SCHIP1: variants seen among roughly 807,000 people sequenced by gnomAD.
SCHIP1 encodes the protein schwannomin-interacting protein 1.
A neutral mutation model predicts 29.7 loss-of-function variants in SCHIP1; 8 were observed. That is an observed-to-expected ratio of 0.27 (90% CI 0.16 to 0.49). The LOEUF (loss-of-function observed/expected upper bound fraction) is 0.49. Ranked by LOEUF, SCHIP1 falls within the 20% of genes least tolerant of loss-of-function variation. The pLI, the probability that SCHIP1 is intolerant of heterozygous loss-of-function variation, is 0.99. For missense variants in SCHIP1, 193 were observed against 294.6 expected, an observed-to-expected ratio of 0.66 and a Z score of 2.52; for synonymous variants, 76 against 94.9, an observed-to-expected ratio of 0.80 and a Z score of 1.16.
At chr3:159,611,528 G>T in the SCHIP1 span, among the ~76,000 whole-genome samples, 1 of 149,972 alleles carries the variant, frequency 6.7e-6, no homozygotes, top group Non-Finnish European at 1.5e-5. Flanking sequence ...AGGGCGTGTT[G>T]GGGGGTGGGG....
the SCHIP1 span, among the ~76,000 whole-genome samples, chr3:159,331,996 G>A: frequency 2.0e-5 from 3 of 152,130 alleles, no homozygotes; most frequent in South Asian, 2.1e-4. Flanking sequence ...CCATAGCTCA[G>A]GTGTCACCTC....
the SCHIP1 span, among the ~76,000 whole-genome samples, chr3:159,432,070 G>A: frequency 6.6e-6 from 1 of 152,082 alleles, no homozygotes; most frequent in Non-Finnish European, 1.5e-5. Context: ...GCTTGTATGG[G>A]TGGTCTGGCT....
chr3:159,779,497 T>A, the SCHIP1 span, among the ~76,000 whole-genome samples: 1 of 144,622 alleles, frequency 6.9e-6, no homozygotes, highest in Non-Finnish European at 1.5e-5. Context: ...GGTGAAACCC[T>A]GTCTCTACCA....
chr3:159,712,551 TA>T, the SCHIP1 span, among the ~76,000 whole-genome samples: 512 of 150,522 alleles, frequency 3.4e-3, 4 homozygotes, highest in African/African-American at 0.012. Context: ...ACCCTGTCAC[TA>T]CAAAAAAAAA....
chr3:159,763,108 G>A, the SCHIP1 span, among the ~76,000 whole-genome samples: 2 of 152,150 alleles, frequency 1.3e-5, no homozygotes, highest in African/African-American at 4.8e-5. Context: ...GAAGGGAAAC[G>A]TGAGCTAAAG....
At chr3:159,793,597 G>A in the SCHIP1 span, among the ~76,000 whole-genome samples, 22 of 152,182 alleles carry the variant, frequency 1.4e-4, no homozygotes, top group East Asian at 7.7e-4. Flanking sequence ...TCACTCTGTC[G>A]CCCAGGCTTG....
the SCHIP1 span, among the ~76,000 whole-genome samples, chr3:159,654,872 T>C: frequency 6.8e-6 from 1 of 148,104 alleles, no homozygotes; most frequent in Non-Finnish European, 1.5e-5. Context: ...CAAAGTGACA[T>C]ACTGATTTGT....
chr3:159,428,211 A>G, the SCHIP1 span, among the ~76,000 whole-genome samples: 66 of 152,336 alleles, frequency 4.3e-4, no homozygotes, highest in African/African-American at 1.3e-3. Context: ...TAATTAAACT[A>G]AAGAGCTTCT....
chr3:159,361,001 G>T, the SCHIP1 span, among the ~76,000 whole-genome samples: 1 of 152,062 alleles, frequency 6.6e-6, no homozygotes, highest in Non-Finnish European at 1.5e-5. Context: ...TTTAACATTT[G>T]AACATGAACA....
chr3:159,631,978 T>G, the SCHIP1 span, among the ~76,000 whole-genome samples: 1 of 152,178 alleles, frequency 6.6e-6, no homozygotes, highest in Non-Finnish European at 1.5e-5. Flanking sequence ...GAATATGTAT[T>G]CTATGTTTTT....
Position 159,843,656 on chromosome 3 carries a change from T to TA in SCHIP1, c.30+3450dup, listed in dbSNP as rs1452679300. ...TAACACAGTGAAACCCCATCTCTAC[T>TA]AAAAAAAATACAAAAAATCAGCCGG... On this transcript the variant is annotated intron_variant, in intron 1 of 6. Transcript: ENST00000445224. Among the ~76,000 whole-genome samples the TA allele has an allele frequency of 7.3e-5, 11 of 151,082 alleles. No individual in the cohort carries two copies. The East Asian group carries it at 7.9e-4, about 11-fold the overall frequency.
the SCHIP1 span, among the ~76,000 whole-genome samples, chr3:159,802,952 G>C: frequency 2.2e-4 from 33 of 152,272 alleles, no homozygotes; most frequent in South Asian, 6.0e-3. Flanking sequence ...GCTCCTTAAA[G>C]ACCTGCTATT....
upstream of SCHIP1, among the ~76,000 whole-genome samples, chr3:159,836,625 T>C (rs1235917007): frequency 6.6e-6 from 1 of 152,182 alleles, no homozygotes; most frequent in African/African-American, 2.4e-5. Context: ...GGTTTCCATA[T>C]CTGAACAATA....
At chr3:159,397,542 T>C in the SCHIP1 span, among the ~76,000 whole-genome samples, 95,914 of 151,976 alleles carry the variant, frequency 0.63, 30,998 homozygotes, top group East Asian at 0.75. Flanking sequence ...TTCTAAAAGA[T>C]AGGACCCTCA....
chr3:159,412,618 G>C, the SCHIP1 span, among the ~76,000 whole-genome samples: 1 of 152,152 alleles, frequency 6.6e-6, no homozygotes, highest in Non-Finnish European at 1.5e-5. Context: ...GGCTTGAAAG[G>C]GACCAATGAA....
the SCHIP1 span, among the ~76,000 whole-genome samples, chr3:159,329,980 A>G: frequency 5.9e-5 from 9 of 152,144 alleles, no homozygotes; most frequent in African/African-American, 2.2e-4. Flanking sequence ...TCCTGTTAAT[A>G]AAACACTGAA....
At chr3:159,578,813 C>G in the SCHIP1 span, among the ~76,000 whole-genome samples, 5 of 152,066 alleles carry the variant, frequency 3.3e-5, no homozygotes, top group Non-Finnish European at 7.4e-5. Context: ...ATTCTCCCTT[C>G]CTCTTATAAG....
the SCHIP1 span, among the ~76,000 whole-genome samples, chr3:159,335,871 G>T: frequency 6.6e-6 from 1 of 152,200 alleles, no homozygotes; most frequent in African/African-American, 2.4e-5. Flanking sequence ...TAATGGGATG[G>T]CTGCGTCAAA....
the SCHIP1 span, among the ~76,000 whole-genome samples, chr3:159,780,354 T>G: frequency 6.6e-6 from 1 of 152,178 alleles, no homozygotes; most frequent in Non-Finnish European, 1.5e-5. Flanking sequence ...TTCTGTGGGT[T>G]TGTTAGCCAG....
Sources: gnomAD v4.1 joint callset for allele counts (sites outside exome capture counted in the v4.1 genomes callset) on GRCh38, gnomAD v4.1.1 for gene constraint, MANE v1.5 for transcripts, NCBI Gene and HGNC (gene_info 2026-07-23, HGNC 2026-07-21) for gene names.